The following CNTNAP4 variants were observed in gnomAD, a reference collection of about 807,000 sequenced individuals.
CNTNAP4 encodes contactin-associated protein-like 4.
In CNTNAP4, 98 loss-of-function variants were observed where a neutral mutation model predicts 148.4. That is an observed-to-expected ratio of 0.66 (90% CI 0.56 to 0.78). CNTNAP4 has a LOEUF of 0.78. CNTNAP4 is among the 30% of genes least tolerant of loss of function. The pLI, the probability that CNTNAP4 is intolerant of heterozygous loss-of-function variation, is 0.00. For missense variants in CNTNAP4, 1,935 were observed against 1,565.6 expected (o/e 1.24, Z -3.98); for synonymous variants, 730 against 565.1 (o/e 1.29, Z -4.14).
At chr16:76,471,487 T>C (rs1364077681) in intron 10 of CNTNAP4, among the ~76,000 whole-genome samples, 2 of 152,152 alleles carry the variant, frequency 1.3e-5, no homozygotes, top group African/African-American at 4.8e-5. Flanking sequence ...CCTCCTGGCT[T>C]CCTTGCCTCC....
intron 1 of CNTNAP4, among the ~76,000 whole-genome samples, chr16:76,300,140 TATA>T (rs1039108980): frequency 6.6e-6 from 1 of 150,542 alleles, no homozygotes; most frequent in Admixed American, 6.6e-5. Context: ...AACTTAAAAG[TATA>T]ATAATAATAA....
At chr16:76,487,793 G>A (rs764114232) in intron 12 of CNTNAP4, among the ~76,000 whole-genome samples, 2 of 152,106 alleles carry the variant, frequency 1.3e-5, no homozygotes, top group Admixed American at 6.5e-5. Context: ...AAAAGGAAAC[G>A]TTGTTATGAG....
intron 8 of CNTNAP4, among the ~76,000 whole-genome samples, chr16:76,459,992 T>C (rs182004468): frequency 4.6e-5 from 7 of 152,360 alleles, no homozygotes; most frequent in Admixed American, 1.3e-4. Context: ...ACTTTTGACT[T>C]TATACATGTC....
chr16:76,452,454 A>G (rs899609739), intron 7 of CNTNAP4, 54 bp from the exon 8 acceptor site: 4 of 1,563,772 alleles, frequency 2.6e-6, no homozygotes, highest in African/African-American at 1.4e-5. Flanking sequence ...AAATTCTGTT[A>G]CTAATGTGAT....
rs2061505481 is a variant in CNTNAP4 at position 76,495,085 on chromosome 16, C to A, written c.2237+19C>A. On this transcript the variant is annotated intron_variant, in intron 14 of 23. Coordinates refer to ENST00000611870, the MANE Select transcript of CNTNAP4 (RefSeq NM_033401.5). ...ATGAATGGTGATTTCCATATGATTT[C>A]TTTATGCAAGAAAAAGTTCATTTAA... 5.0e-6 allele frequency: 8 copies of A among 1,610,206 alleles called. No homozygotes were observed. Among genetic ancestry groups the A allele is most frequent in the African/African-American group, 1.3e-5 (1 of 74,738 alleles).
chr16:76,376,872 G>C (rs958692798), intron 3 of CNTNAP4, among the ~76,000 whole-genome samples: 2 of 151,116 alleles, frequency 1.3e-5, no homozygotes, highest in Non-Finnish European at 2.9e-5. Context: ...GATTGTATTA[G>C]TTAGGATTCT....
intron 17 of CNTNAP4, among the ~76,000 whole-genome samples, chr16:76,522,760 T>C (rs1161137993): frequency 1.4e-4 from 14 of 99,654 alleles, no homozygotes; most frequent in African/African-American, 4.3e-4. Context: ...TCTTTTCTTT[T>C]CTTTTCTTTT....
intron 12 of CNTNAP4, among the ~76,000 whole-genome samples, chr16:76,483,007 A>C (rs2340273): frequency 0.55 from 83,910 of 151,822 alleles, 23,248 homozygotes; most frequent in South Asian, 0.76. Context: ...TTACAAGTGT[A>C]AGATATGAAT....
intron 1 of CNTNAP4, among the ~76,000 whole-genome samples, chr16:76,290,058 T>C (rs1021131715): frequency 6.6e-6 from 1 of 152,196 alleles, no homozygotes; most frequent in African/African-American, 2.4e-5. Flanking sequence ...ATGACAAATA[T>C]TCCTTTTGCA....
At chr16:76,341,443 C>A (rs1256192462) in intron 2 of CNTNAP4, among the ~76,000 whole-genome samples, 1 of 152,080 alleles carries the variant, frequency 6.6e-6, no homozygotes, top group Non-Finnish European at 1.5e-5. Flanking sequence ...AAGGAAAGGG[C>A]TGTAATGGAA....
At chr16:76,419,306 T>TACCAA (rs2079098579) in intron 3 of CNTNAP4, among the ~76,000 whole-genome samples, 1 of 152,014 alleles carries the variant, frequency 6.6e-6, no homozygotes, top group Non-Finnish European at 1.5e-5. Flanking sequence ...TGGGAGAGGT[T>TACCAA]CTGGCAAAGT....
At chr16:76,467,565 T>C (rs1432934042) in intron 10 of CNTNAP4, 42 bp downstream of exon 10, 2 of 1,501,896 alleles carry the variant, frequency 1.3e-6, no homozygotes, top group Non-Finnish European at 9.0e-7. Context: ...TTTCAAACTT[T>C]GGCATCAGAT....
intron 3 of CNTNAP4, among the ~76,000 whole-genome samples, chr16:76,397,145 C>T (rs1031220060): frequency 4.0e-5 from 6 of 151,790 alleles, no homozygotes; most frequent in Non-Finnish European, 7.4e-5. Flanking sequence ...AAACCTTTCA[C>T]GGACATAAGG....
chr16:76,486,235 A>G (rs1345242989), intron 12 of CNTNAP4, among the ~76,000 whole-genome samples: 2 of 152,212 alleles, frequency 1.3e-5, no homozygotes, highest in Non-Finnish European at 2.9e-5. Context: ...TGCATTTAGT[A>G]AAAGATAATT....
At chr16:76,347,262 C>G (rs984420996) in intron 2 of CNTNAP4, among the ~76,000 whole-genome samples, 2 of 151,884 alleles carry the variant, frequency 1.3e-5, no homozygotes, top group Non-Finnish European at 2.9e-5. Flanking sequence ...GGGTACAGTT[C>G]CAGCTTTTTC....
At chr16:76,421,068 A>C (rs1779518964) in intron 3 of CNTNAP4, among the ~76,000 whole-genome samples, 1 of 151,994 alleles carries the variant, frequency 6.6e-6, no homozygotes, top group East Asian at 1.9e-4. Context: ...CCAAGTTTGC[A>C]TCTTTCCTGT....
intron 15 of CNTNAP4, among the ~76,000 whole-genome samples, chr16:76,518,695 T>A (rs927965090): frequency 1.3e-4 from 20 of 152,260 alleles, no homozygotes; most frequent in African/African-American, 4.8e-4. Context: ...TTCTGGGAGT[T>A]GGGAACATTT....
chr16:76,378,609 T>C (rs1194091581), intron 3 of CNTNAP4, among the ~76,000 whole-genome samples: 1 of 152,198 alleles, frequency 6.6e-6, no homozygotes, highest in African/African-American at 2.4e-5. Context: ...GACCTTGGTG[T>C]AAGTCTTGGG....
At chr16:76,465,836 TAAA>T (rs1255210350) in intron 9 of CNTNAP4, among the ~76,000 whole-genome samples, 1 of 152,226 alleles carries the variant, frequency 6.6e-6, no homozygotes, top group African/African-American at 2.4e-5. Flanking sequence ...TCCATTAGGT[TAAA>T]ATAAAATGTT....
Sources: gnomAD v4.1 joint callset for allele counts (sites outside exome capture counted in the v4.1 genomes callset) on GRCh38, gnomAD v4.1.1 for gene constraint, MANE v1.5 for transcripts, NCBI Gene and HGNC (gene_info 2026-07-23, HGNC 2026-07-21) for gene names.